GRIA1: variants seen among roughly 807,000 people sequenced by gnomAD.
GRIA1 encodes the protein glutamate receptor 1.
In GRIA1, 31 loss-of-function variants were observed where a neutral mutation model predicts 99.2. The observed-to-expected ratio is 0.31, with a 90% CI of 0.23 to 0.42. GRIA1 has a LOEUF of 0.42. Ranked by LOEUF, GRIA1 falls within the 10% of genes least tolerant of loss-of-function variation. GRIA1 has a pLI of 1.00. For missense variants in GRIA1, 782 were observed against 1,157.5 expected, an observed-to-expected ratio of 0.68 and a Z score of 4.71; for synonymous variants, 438 against 432.4, an observed-to-expected ratio of 1.01 and a Z score of -0.16.
rs928717918 is a variant in GRIA1 at position 153,541,860 on chromosome 5, G to A, written c.220+47795G>A. Among the ~76,000 whole-genome samples the A allele has an allele frequency of 9.3e-5, 14 of 150,334 alleles. No homozygotes were observed. In the Admixed American group the frequency reaches 9.4e-4, roughly 10 times the overall value. On this transcript the variant is annotated intron_variant, in intron 2 of 15. Coordinates refer to ENST00000285900, the MANE Select transcript of GRIA1 (RefSeq NM_000827.4). ...CAGGAGAATCGCTTGAACATGGGAG[G>A]TGGAGGTTGCAGTGAGCTGAGATCA...
chr5:153,609,144 C>T (rs1765730435), intron 2 of GRIA1, among the ~76,000 whole-genome samples: 1 of 152,170 alleles, frequency 6.6e-6, no homozygotes, highest in Non-Finnish European at 1.5e-5. Context: ...AATGAGCTTC[C>T]TCTTAGTTGT....
At position 153,742,071 on chromosome 5, in the gene GRIA1, C is replaced by T. The variant is rs116206528; in HGVS notation, c.1824-22363C>T. 2.6e-3 allele frequency among the ~76,000 whole-genome samples: 390 copies of T among 151,962 alleles called. 3 individuals carry two copies. Among genetic ancestry groups the T allele is most frequent in the African/African-American group, 8.7e-3 (359 of 41,444 alleles). On this transcript the variant is annotated intron_variant, in intron 11 of 15. Transcript: ENST00000285900. ...TAACAGAGAAACCCCTTTATACAAC[C>T]TAAAGTTTAAGTAAATATAATAGCT... is the stretch of plus-strand genomic sequence containing the variant.
At chr5:153,743,723 C>CTTAAG (rs1761967732) in intron 11 of GRIA1, among the ~76,000 whole-genome samples, 2 of 152,160 alleles carry the variant, frequency 1.3e-5, no homozygotes, top group Non-Finnish European at 2.9e-5. Context: ...ATGTTCCTGT[C>CTTAAG]TTAAGTTCAA....
chr5:153,537,826 C>T (rs577835137), intron 2 of GRIA1, among the ~76,000 whole-genome samples: 10 of 152,200 alleles, frequency 6.6e-5, no homozygotes, highest in Admixed American at 5.9e-4. Flanking sequence ...TCAATCAAAA[C>T]ATGAGATGTG....
intron 4 of GRIA1, among the ~76,000 whole-genome samples, chr5:153,652,661 T>C (rs1201230082): frequency 1.3e-5 from 2 of 152,228 alleles, no homozygotes; most frequent in Admixed American, 6.5e-5. Flanking sequence ...TTTTAGATTG[T>C]AGCATATTGA....
intron 2 of GRIA1, among the ~76,000 whole-genome samples, chr5:153,645,011 A>T (rs1297326571): frequency 6.6e-6 from 1 of 151,920 alleles, no homozygotes; most frequent in Non-Finnish European, 1.5e-5. Context: ...GAAAACTTTG[A>T]GTGGATTTGT....
At chr5:153,558,256 T>G (rs1318155587) in intron 2 of GRIA1, among the ~76,000 whole-genome samples, 1 of 152,186 alleles carries the variant, frequency 6.6e-6, no homozygotes, top group Non-Finnish European at 1.5e-5. Flanking sequence ...ATAATTTACA[T>G]ATAGTAAAAT....
At chr5:153,725,314 C>A (rs1223876035) in intron 11 of GRIA1, among the ~76,000 whole-genome samples, 1 of 151,608 alleles carries the variant, frequency 6.6e-6, no homozygotes, top group African/African-American at 2.4e-5. Flanking sequence ...TAAAGACCAT[C>A]AAGGCTAGGA....
chr5:153,532,513 A>C (rs775373294), intron 2 of GRIA1, among the ~76,000 whole-genome samples: 7 of 152,158 alleles, frequency 4.6e-5, no homozygotes, highest in African/African-American at 7.2e-5. Flanking sequence ...TATCATCTTC[A>C]TACCATGGCT....
chr5:153,681,921 C>T (rs1374425101), intron 7 of GRIA1, among the ~76,000 whole-genome samples: 1 of 151,984 alleles, frequency 6.6e-6, no homozygotes, highest in Non-Finnish European at 1.5e-5. Context: ...GTAATTCCAG[C>T]TACCTGGGAG....
intron 13 of GRIA1, among the ~76,000 whole-genome samples, chr5:153,790,322 C>T (rs1048464214): frequency 4.6e-5 from 7 of 152,154 alleles, no homozygotes; most frequent in East Asian, 1.9e-4. Context: ...CTCTTATTTG[C>T]GTATTCAAGC....
At position 153,490,812 on chromosome 5, in the gene GRIA1, A is replaced by C; in HGVS notation, c.-77A>C. 1 of 1,025,882 alleles carries C rather than the reference A, an allele frequency of 9.7e-7. No individual in the cohort carries two copies. Among genetic ancestry groups the C allele is most frequent in the South Asian group, 1.3e-5 (1 of 79,214 alleles). The allele number at this position is 1,025,882 out of a possible 1,614,324, so 63.5% of individuals were successfully genotyped here. On this transcript the variant is annotated 5_prime_UTR_variant, in exon 1 of 16. Coordinates refer to ENST00000285900, the MANE Select transcript of GRIA1 (RefSeq NM_000827.4). ...GAAAAGAACAGGCAGAACAGCGAGAAGAATAAAGGGAAAGGGGGGGAAACA... is the reference window on the plus strand; with the variant it reads ...GAAAAGAACAGGCAGAACAGCGAGACGAATAAAGGGAAAGGGGGGGAAACA...
At chr5:153,690,769 A>C (rs565155139) in intron 8 of GRIA1, among the ~76,000 whole-genome samples, 9 of 152,274 alleles carry the variant, frequency 5.9e-5, no homozygotes, top group African/African-American at 2.2e-4. Flanking sequence ...TTTTAAACTT[A>C]CCTTCCAATG....
At chr5:153,671,750 C>T (rs961051771) in intron 5 of GRIA1, among the ~76,000 whole-genome samples, 2 of 152,174 alleles carry the variant, frequency 1.3e-5, no homozygotes, top group Admixed American at 1.3e-4. Context: ...ATATACTGTG[C>T]ACCTACTCTG....
intron 11 of GRIA1, among the ~76,000 whole-genome samples, chr5:153,714,861 C>T (rs769117770): frequency 2.6e-5 from 4 of 152,092 alleles, no homozygotes; most frequent in African/African-American, 9.7e-5. Flanking sequence ...TCCAAGACAC[C>T]CAGCAGAAAA....
chr5:153,623,094 G>C (rs1767219098), intron 2 of GRIA1, among the ~76,000 whole-genome samples: 1 of 152,198 alleles, frequency 6.6e-6, no homozygotes, highest in Admixed American at 6.5e-5. Flanking sequence ...TTCATCCAAA[G>C]CCATTGCTTT....
intron 2 of GRIA1, among the ~76,000 whole-genome samples, chr5:153,533,144 T>C (rs1182234071): frequency 1.3e-5 from 2 of 152,208 alleles, no homozygotes; most frequent in Non-Finnish European, 2.9e-5. Flanking sequence ...ACCTTAAAGA[T>C]ACCTTGCAGC....
chr5:153,773,394 C>T (rs1764010377), intron 13 of GRIA1, among the ~76,000 whole-genome samples: 1 of 152,098 alleles, frequency 6.6e-6, no homozygotes, highest in South Asian at 2.1e-4. Flanking sequence ...AGGTCCTTTG[C>T]ACCTATTCAC....
chr5:153,795,597 C>G (rs759099028), intron 14 of GRIA1: 1 of 1,518,018 alleles, frequency 6.6e-7, no homozygotes, highest in Non-Finnish European at 9.1e-7. Context: ...TAAGGTCAGT[C>G]ACCGGCTACA....
Sources: gnomAD v4.1 joint callset for allele counts (sites outside exome capture counted in the v4.1 genomes callset) on GRCh38, gnomAD v4.1.1 for gene constraint, MANE v1.5 for transcripts, NCBI Gene and HGNC (gene_info 2026-07-23, HGNC 2026-07-21) for gene names.